The following GRIN2B variants were observed in gnomAD, a reference collection of about 807,000 sequenced individuals.
The protein encoded by GRIN2B is glutamate receptor ionotropic, NMDA 2B.
Under a neutral mutation model 114.5 loss-of-function variants are expected in GRIN2B, and 5 were observed. That is an observed-to-expected ratio of 0.04 (90% CI 0.02 to 0.09). The LOEUF is 0.09. Among genes scored for constraint, GRIN2B ranks in the 10% least tolerant of loss-of-function variants. The pLI is 1.00. For missense variants in GRIN2B, 1,108 were observed against 1,943.5 expected (o/e 0.57, Z 8.08); for synonymous variants, 787 against 745.1 (o/e 1.06, Z -0.92).
At chr12:13,821,360 A>G (rs1252411441) in intron 3 of GRIN2B, among the ~76,000 whole-genome samples, 1 of 152,210 alleles carries the variant, frequency 6.6e-6, no homozygotes, top group African/African-American at 2.4e-5. Flanking sequence ...CATGCAGCTC[A>G]GAGGAGCTAA....
At chr12:13,904,847 T>G (rs946791374) in intron 2 of GRIN2B, among the ~76,000 whole-genome samples, 4 of 152,156 alleles carry the variant, frequency 2.6e-5, no homozygotes, top group African/African-American at 9.7e-5. Flanking sequence ...TCTTCCATTA[T>G]TCTATAACTT....
At chr12:13,577,233 CA>C (rs1474244834) in intron 10 of GRIN2B, among the ~76,000 whole-genome samples, 1 of 152,224 alleles carries the variant, frequency 6.6e-6, no homozygotes, top group Non-Finnish European at 1.5e-5. Flanking sequence ...GCATTTAACA[CA>C]GGGCTTCCAG....
intron 4 of GRIN2B, among the ~76,000 whole-genome samples, chr12:13,739,133 C>A (rs1027210067): frequency 6.6e-6 from 1 of 152,046 alleles, no homozygotes; most frequent in Non-Finnish European, 1.5e-5. Context: ...GTAATCCCAG[C>A]ACTTTGGGAG....
intron 3 of GRIN2B, among the ~76,000 whole-genome samples, chr12:13,843,193 T>C (rs1865413601): frequency 6.7e-6 from 1 of 150,162 alleles, no homozygotes; most frequent in African/African-American, 2.4e-5. Context: ...AACACCATTT[T>C]GGCTTTTCTT....
chr12:13,981,743 C>T (rs1863142272), upstream of GRIN2B, among the ~76,000 whole-genome samples: 1 of 148,908 alleles, frequency 6.7e-6, no homozygotes, highest in Non-Finnish European at 1.5e-5. Context: ...AAGTCAACCG[C>T]GCGGCAGCCG....
intron 2 of GRIN2B, among the ~76,000 whole-genome samples, chr12:13,962,098 ACACACACAC>A (rs2136862618): frequency 8.0e-6 from 1 of 124,380 alleles, no homozygotes; most frequent in South Asian, 2.8e-4. Flanking sequence ...ATACACACAC[ACACACACAC>A]ACACACACAC....
At chr12:13,825,670 C>G (rs1004778970) in intron 3 of GRIN2B, among the ~76,000 whole-genome samples, 1 of 151,602 alleles carries the variant, frequency 6.6e-6, no homozygotes, top group African/African-American at 2.4e-5. Flanking sequence ...GCATACACTA[C>G]CACGCCCAGC....
intron 10 of GRIN2B, among the ~76,000 whole-genome samples, chr12:13,600,941 A>T (rs1370060435): frequency 6.6e-6 from 1 of 152,244 alleles, no homozygotes; most frequent in Non-Finnish European, 1.5e-5. Context: ...CCTATAAAGC[A>T]TGTCTCTGCA....
intron 5 of GRIN2B, among the ~76,000 whole-genome samples, chr12:13,667,778 G>A (rs1312818171): frequency 6.6e-6 from 1 of 152,032 alleles, no homozygotes; most frequent in East Asian, 1.9e-4. Flanking sequence ...CACACAGAAT[G>A]CACAGAAAAA....
chr12:13,763,104 T>C (rs1591717531), intron 3 of GRIN2B, among the ~76,000 whole-genome samples: 1 of 151,804 alleles, frequency 6.6e-6, no homozygotes, highest in East Asian at 1.9e-4. Flanking sequence ...GAAAATAAAA[T>C]TGCACAGAGA....
Position 13,563,039 on chromosome 12 carries a change from C to T in GRIN2B, c.4199G>A (p.Gly1400Asp). The change falls in exon 14 of 14, where the codon GGC becomes GAC. Residue 1400 changes from glycine to aspartate, a missense_variant. By Grantham distance (94) the Gly-to-Asp change is moderately conservative. Transcript: ENST00000609686. ...TFGDDQCLLH[G>D]SKSYFFRQPT... Reference sequence around the variant, plus strand: ...CTGCCTGAAGAAGTAGGATTTGCTGCCATGGAGCAAGCACTGGTCGTCCCC... The same window carrying T: ...CTGCCTGAAGAAGTAGGATTTGCTGTCATGGAGCAAGCACTGGTCGTCCCC... The T allele has an allele frequency of 6.2e-7, 1 of 1,614,122 alleles. No homozygotes were observed. The highest frequency in any genetic ancestry group is 2.2e-5 in the East Asian group (1 of 44,864).
chr12:13,602,280 C>T (rs1949171290), intron 10 of GRIN2B, among the ~76,000 whole-genome samples: 1 of 152,200 alleles, frequency 6.6e-6, no homozygotes, highest in Non-Finnish European at 1.5e-5. Context: ...ATGAATCATA[C>T]CCTTACATTT....
At chr12:13,616,713 CCTG>C in intron 5 of GRIN2B, 56 bp from the exon 6 acceptor site, 1 of 1,366,532 alleles carries the variant, frequency 7.3e-7, no homozygotes, top group Non-Finnish European at 1.0e-6. Flanking sequence ...TAACAAACAG[CCTG>C]TCCCAGTATT....
At chr12:13,943,248 A>G (rs1192456983) in intron 2 of GRIN2B, among the ~76,000 whole-genome samples, 1 of 152,156 alleles carries the variant, frequency 6.6e-6, no homozygotes, top group African/African-American at 2.4e-5. Context: ...GAAAAAGGAG[A>G]AGTGTACAAA....
chr12:13,758,560 G>A (rs1863620154), intron 3 of GRIN2B, among the ~76,000 whole-genome samples: 1 of 152,166 alleles, frequency 6.6e-6, no homozygotes, highest in South Asian at 2.1e-4. Context: ...TTCTTAAAAT[G>A]GAATGGGTCT....
chr12:13,581,699 C>T (rs1392059173), intron 10 of GRIN2B, among the ~76,000 whole-genome samples: 1 of 152,170 alleles, frequency 6.6e-6, no homozygotes, highest in Non-Finnish European at 1.5e-5. Context: ...CACCTGAAGT[C>T]AGGAGTTTGA....
intron 10 of GRIN2B, among the ~76,000 whole-genome samples, chr12:13,600,891 T>C (rs1949148215): frequency 6.6e-6 from 1 of 152,188 alleles, no homozygotes; most frequent in South Asian, 2.1e-4. Flanking sequence ...ACTCAGGTTT[T>C]GTATTGTCTC....
At chr12:13,935,253 C>T (rs144501471) in intron 2 of GRIN2B, among the ~76,000 whole-genome samples, 2 of 152,292 alleles carry the variant, frequency 1.3e-5, no homozygotes, top group Non-Finnish European at 2.9e-5. Flanking sequence ...TCATACAAAT[C>T]TTGACTATAA....
chr12:13,680,435 G>GTT, intron 4 of GRIN2B, among the ~76,000 whole-genome samples: 1 of 116,460 alleles, frequency 8.6e-6, no homozygotes. Context: ...TCCCATCAAG[G>GTT]TTGTGTGTGT....
Sources: gnomAD v4.1 joint callset for allele counts (sites outside exome capture counted in the v4.1 genomes callset) on GRCh38, gnomAD v4.1.1 for gene constraint, MANE v1.5 for transcripts, NCBI Gene and HGNC (gene_info 2026-07-23, HGNC 2026-07-21) for gene names.